ABLIM3: variants seen among roughly 807,000 people sequenced by gnomAD.
ABLIM3 encodes actin-binding LIM protein 3.
A neutral mutation model predicts 109.5 loss-of-function variants in ABLIM3; 61 were observed. The ratio of observed to expected loss-of-function variants is 0.56; its 90% CI spans 0.45 to 0.69. The LOEUF (loss-of-function observed/expected upper bound fraction) is 0.69, where lower values mean the gene tolerates loss of function less well. ABLIM3 is among the 30% of genes least tolerant of loss of function. The pLI is 0.00. For synonymous variants in ABLIM3, 300 were observed against 324.8 expected (o/e 0.92, Z 0.82); for missense variants, 796 against 889.5 (o/e 0.89, Z 1.34).
At chr5:149,251,678 G>T (rs770927271) in intron 21 of ABLIM3, among the ~76,000 whole-genome samples, 3 of 151,822 alleles carry the variant, frequency 2.0e-5, no homozygotes, top group Non-Finnish European at 4.4e-5. Flanking sequence ...ACAGAGTTCT[G>T]CTCTCTTCTC....
intron 2 of ABLIM3, among the ~76,000 whole-genome samples, chr5:149,179,462 A>G (rs1434275213): frequency 3.3e-5 from 5 of 152,210 alleles, no homozygotes; most frequent in Admixed American, 2.6e-4. Flanking sequence ...TTCACTGCTC[A>G]TGATCTTTTG....
intron 2 of ABLIM3, among the ~76,000 whole-genome samples, chr5:149,150,307 C>T (rs1466030569): frequency 3.3e-5 from 5 of 152,112 alleles, no homozygotes; most frequent in East Asian, 1.9e-4. Context: ...CACACAAGAA[C>T]GCAGTAGGAT....
rs547838963 is a variant in ABLIM3, at chr5:149,162,799, G to C, written c.14-20653G>C. Among the ~76,000 whole-genome samples, 5 of 152,266 alleles carry C rather than the reference G, an allele frequency of 3.3e-5. No individual in the cohort carries two copies. The South Asian group carries it at 8.3e-4, about 25-fold the overall frequency. ...GCTGCTTAGACAGTTTCTCCTGATG[G>C]CTAACCTGACCAGGGCAGTGGGGCA... On this transcript the variant is annotated intron_variant, in intron 2 of 23. Coordinates refer to ENST00000309868, the MANE Select transcript of ABLIM3 (RefSeq NM_014945.5).
intron 2 of ABLIM3, among the ~76,000 whole-genome samples, chr5:149,167,137 C>G (rs1754907891): frequency 6.6e-6 from 1 of 152,144 alleles, no homozygotes; most frequent in Non-Finnish European, 1.5e-5. Context: ...TTCCAGGAAT[C>G]CCTGAAAGTC....
chr5:149,237,814 C>A (rs1327631688), intron 11 of ABLIM3, among the ~76,000 whole-genome samples: 1 of 152,152 alleles, frequency 6.6e-6, no homozygotes, highest in Non-Finnish European at 1.5e-5. Context: ...AACCTTAAAC[C>A]TACATTTCCA....
chr5:149,154,846 A>C (rs1176275854), intron 2 of ABLIM3, among the ~76,000 whole-genome samples: 1 of 152,170 alleles, frequency 6.6e-6, no homozygotes, highest in Non-Finnish European at 1.5e-5. Flanking sequence ...TCACTTATAA[A>C]AGCATTTCTT....
chr5:149,182,425 A>G (rs1157755540), intron 2 of ABLIM3, among the ~76,000 whole-genome samples: 1 of 152,148 alleles, frequency 6.6e-6, no homozygotes, highest in African/African-American at 2.4e-5. Flanking sequence ...TCTATAGGAG[A>G]GAAGAGTATG....
At chr5:149,183,724 G>T in intron 3 of ABLIM3, 135 bp downstream of exon 3, 1 of 1,059,086 alleles carries the variant, frequency 9.4e-7, no homozygotes, top group South Asian at 3.1e-5. Flanking sequence ...CTTTCCCTGA[G>T]CCTCTTCTTA....
Position 149,200,420 on chromosome 5 carries a change from G to C in ABLIM3, c.440G>C (p.Gly147Ala), listed in dbSNP as rs759655987. ...MASSKPIKIR[G>A]PSHCAGCKEE... ...AGCAGTAAGCCCATCAAGATTCGTG[G>C]ACCAAGCCGTGAGTCCTCCCCACGG... Residue 147 changes from glycine to alanine, a missense_variant, in exon 5 of 24, where the codon GGA (glycine) becomes GCA (alanine). Transcript: ENST00000309868. 2 of 1,614,188 alleles carry C rather than the reference G, an allele frequency of 1.2e-6. No individual in the cohort carries two copies. Among genetic ancestry groups the C allele is most frequent in the Non-Finnish European group, 8.5e-7 (1 of 1,180,018 alleles).
intron 7 of ABLIM3, among the ~76,000 whole-genome samples, chr5:149,212,910 A>C (rs1759702558): frequency 6.6e-6 from 1 of 152,122 alleles, no homozygotes; most frequent in Non-Finnish European, 1.5e-5. Context: ...TGATCACTTG[A>C]GTCCAGGAGT....
At chr5:149,240,199 C>T (rs1406969935) in intron 13 of ABLIM3, among the ~76,000 whole-genome samples, 5 of 152,184 alleles carry the variant, frequency 3.3e-5, no homozygotes, top group Non-Finnish European at 7.3e-5. Flanking sequence ...CTGCCCCATC[C>T]GGAGGGCAGA....
chr5:149,172,788 C>T (rs538574466), intron 2 of ABLIM3, among the ~76,000 whole-genome samples: 8 of 152,278 alleles, frequency 5.3e-5, no homozygotes, highest in South Asian at 2.1e-4. Context: ...CATTACCTGC[C>T]TGGCCTCTAA....
chr5:149,153,843 A>G lies in ABLIM3; in HGVS notation c.13+11735A>G, dbSNP rs17722522. 9.6e-3 allele frequency among the ~76,000 whole-genome samples: 1,468 copies of G among 152,298 alleles called. 90 individuals are homozygous for G. In the East Asian group the frequency reaches 0.15, roughly 16 times the overall value. ...TAAGGGTGTCACCAGACAGACAAGG[A>G]GAACATACAGGCTCCACATGCCGCC... is the stretch of plus-strand genomic sequence containing the variant. On this transcript the variant is annotated intron_variant, in intron 2 of 23. Transcript: ENST00000309868.
intron 10 of ABLIM3, among the ~76,000 whole-genome samples, chr5:149,235,324 A>AT (rs2127552419): frequency 6.6e-6 from 1 of 152,346 alleles, no homozygotes; most frequent in East Asian, 1.9e-4. Flanking sequence ...GACATTTGAG[A>AT]TTTTAGATTC....
In ABLIM3 at chr5:149,259,389, CCAGA is replaced by C. The variant is rs1754716762; in HGVS notation, c.*992_*995del. On this transcript the variant is annotated 3_prime_UTR_variant, in exon 24 of 24. Coordinates refer to ENST00000309868, the MANE Select transcript of ABLIM3 (RefSeq NM_014945.5). ...TCCCACCAGAGCTCCAACTGAACAA[CCAGA>C]CAGACAACTCTCATCATCCTCCAGA... is the stretch of plus-strand genomic sequence containing the variant. 3 of 1,478,844 alleles carry C rather than the reference CCAGA, an allele frequency of 2.0e-6. No homozygotes were observed. Among genetic ancestry groups the C allele is most frequent in the Non-Finnish European group, 2.7e-6 (3 of 1,117,906 alleles). The allele number at this position is 1,478,844 out of a possible 1,614,324, so 91.6% of individuals were successfully genotyped here.
intron 2 of ABLIM3, among the ~76,000 whole-genome samples, chr5:149,150,516 A>G (rs74413895): frequency 2.6e-5 from 4 of 152,356 alleles, no homozygotes; most frequent in African/African-American, 7.2e-5. Flanking sequence ...ACTATAACAC[A>G]TCTCAGAAAA....
At chr5:149,194,320 T>C (rs1022182049) in intron 3 of ABLIM3, among the ~76,000 whole-genome samples, 1 of 152,116 alleles carries the variant, frequency 6.6e-6, no homozygotes, top group Non-Finnish European at 1.5e-5. Flanking sequence ...AATTTAAAAA[T>C]CACAAAATGA....
At chr5:149,150,351 A>G (rs560768790) in intron 2 of ABLIM3, among the ~76,000 whole-genome samples, 1 of 152,358 alleles carries the variant, frequency 6.6e-6, no homozygotes, top group East Asian at 1.9e-4. Flanking sequence ...TGCAAAACAG[A>G]TAAAGTAGAA....
intron 11 of ABLIM3, among the ~76,000 whole-genome samples, chr5:149,238,898 A>G (rs1274849291): frequency 8.0e-6 from 1 of 124,928 alleles, no homozygotes; most frequent in African/African-American, 2.8e-5. Context: ...GAACCAGTAG[A>G]GAGACAAGGA....
Sources: gnomAD v4.1 joint callset for allele counts (sites outside exome capture counted in the v4.1 genomes callset) on GRCh38, gnomAD v4.1.1 for gene constraint, MANE v1.5 for transcripts, NCBI Gene and HGNC (gene_info 2026-07-23, HGNC 2026-07-21) for gene names.